The following FYN variants were observed in gnomAD, a reference collection of about 807,000 sequenced individuals.
FYN encodes tyrosine-protein kinase Fyn.
Under a neutral mutation model 70.2 loss-of-function variants are expected in FYN, and 10 were observed. The observed-to-expected ratio is 0.14, with a 90% confidence interval of 0.09 to 0.24. FYN has a LOEUF of 0.24. FYN is among the 10% of genes least tolerant of loss of function. FYN has a pLI of 1.00. For missense variants in FYN, 319 were observed against 673.1 expected, an observed-to-expected ratio of 0.47 and a Z score of 5.82; for synonymous variants, 236 against 248.6, an observed-to-expected ratio of 0.95 and a Z score of 0.48.
chr6:111,735,349 G>A (rs1801662493), intron 3 of FYN, among the ~76,000 whole-genome samples: 1 of 152,160 alleles, frequency 6.6e-6, no homozygotes, highest in Non-Finnish European at 1.5e-5. Context: ...AAACAACTAT[G>A]AGTCCATTCT....
At chr6:111,701,070 C>A (rs1373469497) in intron 8 of FYN, among the ~76,000 whole-genome samples, 1 of 150,314 alleles carries the variant, frequency 6.7e-6, no homozygotes, top group Admixed American at 6.6e-5. Flanking sequence ...CTAAAATTCA[C>A]AGAAATTCAA....
At chr6:111,741,979 G>A (rs1417147021) in intron 3 of FYN, among the ~76,000 whole-genome samples, 1 of 152,110 alleles carries the variant, frequency 6.6e-6, no homozygotes, top group Non-Finnish European at 1.5e-5. Flanking sequence ...GAAATGTCTT[G>A]CTCTTTCTGT....
At chr6:111,817,189 T>C (rs1772516220) in intron 2 of FYN, among the ~76,000 whole-genome samples, 1 of 152,110 alleles carries the variant, frequency 6.6e-6, no homozygotes, top group South Asian at 2.1e-4. Flanking sequence ...ATTTGGATAA[T>C]TTTCACCTTT....
At chr6:111,802,185 A>G (rs996737068) in intron 2 of FYN, among the ~76,000 whole-genome samples, 2 of 152,024 alleles carry the variant, frequency 1.3e-5, no homozygotes, top group African/African-American at 4.8e-5. Flanking sequence ...CATGATAGTG[A>G]GTTCTCATGA....
At chr6:111,859,603 A>G (rs937601293) in intron 1 of FYN, among the ~76,000 whole-genome samples, 6 of 152,226 alleles carry the variant, frequency 3.9e-5, no homozygotes, top group African/African-American at 9.6e-5. Context: ...ATCTTTATTT[A>G]TCTTGCAGTA....
At chr6:111,719,750 A>G (rs1432779303) in intron 4 of FYN, 55 bp downstream of exon 4, 2 of 1,578,276 alleles carry the variant, frequency 1.3e-6, no homozygotes, top group East Asian at 2.3e-5. Flanking sequence ...TTCAATTGCC[A>G]AAAGATTTAA....
intron 12 of FYN, among the ~76,000 whole-genome samples, chr6:111,693,588 G>A (rs1238266242): frequency 6.6e-6 from 1 of 152,142 alleles, no homozygotes. Flanking sequence ...GCTGAGTTGG[G>A]ATATATTTTA....
At chr6:111,756,676 G>GT (rs1462728446) in intron 3 of FYN, among the ~76,000 whole-genome samples, 1 of 152,084 alleles carries the variant, frequency 6.6e-6, no homozygotes, top group Non-Finnish European at 1.5e-5. Flanking sequence ...AAAAATGGAT[G>GT]ACAATAATTC....
chr6:111,738,678 G>A (rs929597712), intron 3 of FYN, among the ~76,000 whole-genome samples: 2 of 152,106 alleles, frequency 1.3e-5, no homozygotes, highest in Non-Finnish European at 2.9e-5. Context: ...GTCGGCATTG[G>A]CATCATCCTC....
intron 2 of FYN, among the ~76,000 whole-genome samples, chr6:111,838,533 C>T (rs370384495): frequency 6.6e-6 from 1 of 152,184 alleles, no homozygotes; most frequent in South Asian, 2.1e-4. Flanking sequence ...ACAACACTGA[C>T]CTGGAGAGAG....
At chr6:111,678,869 G>A (rs1378023289) in intron 12 of FYN, among the ~76,000 whole-genome samples, 1 of 152,146 alleles carries the variant, frequency 6.6e-6, no homozygotes, top group Non-Finnish European at 1.5e-5. Flanking sequence ...AATGATCTCT[G>A]TGCTCTCCTG....
intron 2 of FYN, among the ~76,000 whole-genome samples, chr6:111,840,782 C>T (rs1332823371): frequency 6.6e-6 from 1 of 152,180 alleles, no homozygotes; most frequent in Non-Finnish European, 1.5e-5. Context: ...TCTTTTCAGC[C>T]ATTCTTCACA....
rs762863171 is a variant in FYN at position 111,661,981 on chromosome 6, C to T, written c.1406-34G>A. On this transcript the variant is annotated intron_variant, in intron 13 of 13. Coordinates refer to ENST00000354650, the MANE Select transcript of FYN (RefSeq NM_002037.5). The surrounding 1 kb of genome is among the most constrained non-coding windows in gnomAD (Gnocchi z 4.0). ...ACAAGCGCAGTGAGAGTGGGCACCC[C>T]GGGGATCCAGGCCCTGACCGCCGCA... is the stretch of plus-strand genomic sequence containing the variant. 1.1e-5 allele frequency: 17 copies of T among 1,551,412 alleles called. No individual in the cohort carries two copies. The highest frequency in any genetic ancestry group is 5.4e-5 in the African/African-American group (4 of 73,462).
chr6:111,848,670 C>T (rs538806770), intron 1 of FYN, among the ~76,000 whole-genome samples: 9 of 152,258 alleles, frequency 5.9e-5, no homozygotes, highest in East Asian at 1.9e-4. Context: ...TTTTAGAGAG[C>T]GGCTCCACTG....
intron 2 of FYN, among the ~76,000 whole-genome samples, chr6:111,787,804 C>G (rs914394241): frequency 2.0e-5 from 3 of 152,198 alleles, no homozygotes; most frequent in African/African-American, 7.2e-5. Context: ...GCTGGCACAC[C>G]AGACTTCTTC....
chr6:111,708,603 G>A (rs545031462), intron 5 of FYN, among the ~76,000 whole-genome samples: 12 of 152,298 alleles, frequency 7.9e-5, no homozygotes, highest in African/African-American at 2.9e-4. Context: ...CCTCTCTGCA[G>A]GTAGAATGAT....
chr6:111,820,818 G>C (rs1282636316), intron 2 of FYN, among the ~76,000 whole-genome samples: 1 of 152,122 alleles, frequency 6.6e-6, no homozygotes, highest in Non-Finnish European at 1.5e-5. Context: ...TAAGTAGCTG[G>C]TAGATCATAA....
chr6:111,848,995 C>A (rs1773607889), intron 1 of FYN, among the ~76,000 whole-genome samples: 1 of 152,120 alleles, frequency 6.6e-6, no homozygotes, highest in Non-Finnish European at 1.5e-5. Flanking sequence ...CACGCCCACC[C>A]CCGTGTGTGT....
rs536870315 is a variant in FYN, at chr6:111,681,280, G to A, written c.1274-6650C>T. Among the ~76,000 whole-genome samples, 37 of 152,048 alleles carry A rather than the reference G, an allele frequency of 2.4e-4. No homozygotes were observed. In the East Asian group the frequency reaches 4.8e-3, roughly 20 times the overall value. On this transcript the variant is annotated intron_variant, in intron 12 of 13. Transcript: ENST00000354650. ...TGACCTCAGGTGATCCACCCACCTC[G>A]GCCTCCCAAAGTGCTGCAATTACAG...
Sources: gnomAD v4.1 joint callset for allele counts (sites outside exome capture counted in the v4.1 genomes callset) on GRCh38, gnomAD v4.1.1 for gene constraint, Gnocchi (gnomAD v3.1) non-coding constraint, MANE v1.5 for transcripts, NCBI Gene and HGNC (gene_info 2026-07-23, HGNC 2026-07-21) for gene names.